DPYD: variants seen among roughly 807,000 people sequenced by gnomAD.
The protein encoded by DPYD is dihydropyrimidine dehydrogenase.
Under a neutral mutation model 116.2 loss-of-function variants are expected in DPYD, and 109 were observed. The ratio of observed to expected loss-of-function variants is 0.94; its 90% CI spans 0.80 to 1.10. The LOEUF (loss-of-function observed/expected upper bound fraction) is 1.10, where lower values mean the gene tolerates loss of function less well. Among genes scored for constraint, DPYD ranks in the 50% least tolerant of loss-of-function variants. DPYD has a pLI of 0.00. For missense variants in DPYD, 1,302 were observed against 1,254.5 expected (o/e 1.04, Z -0.57); for synonymous variants, 440 against 432.0 (o/e 1.02, Z -0.23).
At chr1:97,345,266 G>T (rs1669784704) in intron 16 of DPYD, among the ~76,000 whole-genome samples, 1 of 151,894 alleles carries the variant, frequency 6.6e-6, no homozygotes, top group Non-Finnish European at 1.5e-5. Flanking sequence ...ACAAAAAGAA[G>T]ATGAAAACTG....
At chr1:97,806,537 A>G (rs1668086057) in intron 3 of DPYD, among the ~76,000 whole-genome samples, 1 of 151,898 alleles carries the variant, frequency 6.6e-6, no homozygotes, top group Non-Finnish European at 1.5e-5. Context: ...TTAGGTTCAC[A>G]GCAAAATTCA....
At chr1:97,541,589 GA>G (rs2102057608) in intron 12 of DPYD, among the ~76,000 whole-genome samples, 1 of 152,190 alleles carries the variant, frequency 6.6e-6, no homozygotes, top group South Asian at 2.1e-4. Flanking sequence ...AGGAAAATGA[GA>G]AAATATCTAT....
chr1:97,837,742 T>C (rs1283337241), intron 2 of DPYD, among the ~76,000 whole-genome samples: 1 of 152,184 alleles, frequency 6.6e-6, no homozygotes, highest in Non-Finnish European at 1.5e-5. Flanking sequence ...AGATAAACTC[T>C]GTTTTCATAA....
At chr1:97,257,775 T>A (rs899547631) in intron 18 of DPYD, among the ~76,000 whole-genome samples, 3 of 152,040 alleles carry the variant, frequency 2.0e-5, no homozygotes, top group African/African-American at 7.2e-5. Context: ...GCAGCTATTA[T>A]GTTTGGAGCT....
intron 11 of DPYD, 88 bp downstream of exon 11, chr1:97,573,672 T>C (rs1322049000): frequency 6.5e-7 from 1 of 1,539,282 alleles, no homozygotes; most frequent in Non-Finnish European, 8.9e-7. Context: ...AATTTTAAAG[T>C]GAAAAACAAT....
intron 20 of DPYD, among the ~76,000 whole-genome samples, chr1:97,125,808 C>G (rs1217513936): frequency 2.0e-5 from 3 of 152,036 alleles, no homozygotes; most frequent in Non-Finnish European, 2.9e-5. Context: ...TCACCAGACA[C>G]CAAACCTGCT....
intron 2 of DPYD, chr1:97,855,893 T>C (rs1484290499): frequency 6.6e-6 from 1 of 152,212 alleles, no homozygotes; most frequent in Non-Finnish European, 1.5e-5. Context: ...AAACAAGTTC[T>C]AAAATATGAC....
intron 20 of DPYD, among the ~76,000 whole-genome samples, chr1:97,178,432 A>G (rs1476258838): frequency 6.6e-6 from 1 of 152,156 alleles, no homozygotes; most frequent in African/African-American, 2.4e-5. Context: ...GCGAGAGGGA[A>G]GCAAAGGCAT....
At chr1:97,429,850 G>C (rs1265813350) in intron 14 of DPYD, among the ~76,000 whole-genome samples, 1 of 152,060 alleles carries the variant, frequency 6.6e-6, no homozygotes, top group African/African-American at 2.4e-5. Context: ...CTGGATTTAA[G>C]AGGAATAGGG....
At chr1:97,338,690 C>T (rs1669431957) in intron 16 of DPYD, among the ~76,000 whole-genome samples, 1 of 152,090 alleles carries the variant, frequency 6.6e-6, no homozygotes, top group African/African-American at 2.4e-5. Context: ...TGGTCTTATA[C>T]CTGTCCCAGT....
intron 8 of DPYD, among the ~76,000 whole-genome samples, chr1:97,672,277 C>T (rs932049029): frequency 2.6e-5 from 4 of 152,076 alleles, no homozygotes; most frequent in African/African-American, 4.8e-5. Context: ...GCCCCCATTG[C>T]CTGCTTCTGC....
chr1:97,534,323 G>A (rs1015707425), intron 12 of DPYD, among the ~76,000 whole-genome samples: 1 of 152,036 alleles, frequency 6.6e-6, no homozygotes, highest in Non-Finnish European at 1.5e-5. Flanking sequence ...ATCACAAAAA[G>A]TCCAATACTT....
intron 8 of DPYD, among the ~76,000 whole-genome samples, chr1:97,644,295 T>C (rs1186489136): frequency 6.6e-6 from 1 of 152,158 alleles, no homozygotes; most frequent in Non-Finnish European, 1.5e-5. Context: ...TGTAATTTTA[T>C]ATATCTACCA....
intron 8 of DPYD, among the ~76,000 whole-genome samples, chr1:97,634,947 A>T (rs1265263968): frequency 6.6e-6 from 1 of 151,534 alleles, no homozygotes; most frequent in African/African-American, 2.4e-5. Flanking sequence ...AAAGCCTTTC[A>T]ATCTATAGCT....
chr1:97,710,844 G>C (rs1012378681), intron 5 of DPYD, among the ~76,000 whole-genome samples: 4 of 151,576 alleles, frequency 2.6e-5, no homozygotes, highest in Non-Finnish European at 3.0e-5. Flanking sequence ...TTTCACAAAC[G>C]TTGCTCTCAG....
rs530500697 is a variant in DPYD, at chr1:97,361,828, C to A, written c.2058+11733G>T. On this transcript the variant is annotated intron_variant, in intron 16 of 22. Transcript: ENST00000370192. ...TCAAAATAATAAGAGCTATTTATGA[C>A]AAACCCACAGCCAATATCATACTGA... 1.4e-3 allele frequency among the ~76,000 whole-genome samples: 218 copies of A among 152,284 alleles called. 1 individual carries two copies. Among genetic ancestry groups the A allele is most frequent in the African/African-American group, 5.1e-3 (213 of 41,562 alleles).
chr1:97,821,581 T>A (rs1201402749), intron 3 of DPYD, among the ~76,000 whole-genome samples: 1 of 152,112 alleles, frequency 6.6e-6, no homozygotes, highest in Non-Finnish European at 1.5e-5. Context: ...GATGATGCAC[T>A]TTTTTCCTGT....
intron 20 of DPYD, among the ~76,000 whole-genome samples, chr1:97,106,761 G>A (rs771700250): frequency 6.6e-6 from 1 of 151,080 alleles, no homozygotes; most frequent in Non-Finnish European, 1.5e-5. Context: ...CAGATGGCAC[G>A]TCATGGGACT....
intron 12 of DPYD, among the ~76,000 whole-genome samples, chr1:97,521,656 C>T (rs1282251533): frequency 1.3e-5 from 2 of 152,138 alleles, no homozygotes; most frequent in African/African-American, 4.8e-5. Context: ...TAACTTCAAA[C>T]TATACTACAA....
Sources: gnomAD v4.1 joint callset for allele counts (sites outside exome capture counted in the v4.1 genomes callset) on GRCh38, gnomAD v4.1.1 for gene constraint, MANE v1.5 for transcripts, NCBI Gene and HGNC (gene_info 2026-07-23, HGNC 2026-07-21) for gene names.